The following ACVR1 variants were observed in gnomAD, a reference collection of about 807,000 sequenced individuals.
The protein encoded by ACVR1 is activin A receptor type 1.
In ACVR1, 38 loss-of-function variants were observed where a neutral mutation model predicts 57.1. The ratio of observed to expected loss-of-function variants is 0.67; its 90% CI spans 0.51 to 0.87. The LOEUF (loss-of-function observed/expected upper bound fraction) is 0.87. ACVR1 is among the 40% of genes least tolerant of loss of function. The probability of loss-of-function intolerance (pLI) is 0.00; values close to 1 mark genes in which losing one functional copy is unlikely to be tolerated. For synonymous variants in ACVR1, 212 were observed against 228.1 expected (o/e 0.93, Z 0.63); for missense variants, 463 against 638.2 (o/e 0.73, Z 2.96).
chr2:157,811,761 C>T (rs1405125108), intron 2 of ACVR1, among the ~76,000 whole-genome samples: 1 of 152,000 alleles, frequency 6.6e-6, no homozygotes, highest in Admixed American at 6.6e-5. Context: ...TTAAATCTGC[C>T]CAATTTTCAA....
chr2:157,751,387 C>T (rs1043946734), intron 9 of ACVR1, among the ~76,000 whole-genome samples: 5 of 152,336 alleles, frequency 3.3e-5, no homozygotes, highest in Non-Finnish European at 2.9e-5. Context: ...TGGGAAAAGA[C>T]CACGGGGAGA....
Position 157,737,473 on chromosome 2 carries a change from G to T in ACVR1, c.*58C>A. The T allele has an allele frequency of 6.3e-7, 1 of 1,597,674 alleles. No individual in the cohort carries two copies. Among genetic ancestry groups the T allele is most frequent in the Non-Finnish European group, 8.6e-7 (1 of 1,168,560 alleles). Reference sequence around the variant, plus strand: ...CTGACAACCAGTCAGGCCAGCATTAGGTCCCAGCTGGACAATGACAACAAC... The same window carrying T: ...CTGACAACCAGTCAGGCCAGCATTATGTCCCAGCTGGACAATGACAACAAC... On this transcript the variant is annotated 3_prime_UTR_variant, in exon 11 of 11. Coordinates refer to ENST00000434821, the MANE Select transcript of ACVR1 (RefSeq NM_001111067.4).
chr2:157,810,559 C>G (rs1239545718), intron 2 of ACVR1, among the ~76,000 whole-genome samples: 1 of 152,292 alleles, frequency 6.6e-6, no homozygotes, highest in Non-Finnish European at 1.5e-5. Context: ...TGAACATTTC[C>G]AAGCTTTCCC....
chr2:157,761,142 T>C (rs936896823), intron 8 of ACVR1, 65 bp from the exon 9 acceptor site: 3 of 1,548,400 alleles, frequency 1.9e-6, no homozygotes, highest in Non-Finnish European at 2.6e-6. Flanking sequence ...TGCTGAAGGA[T>C]TTTAAACCAA....
chr2:157,746,362 G>A (rs1037966072), intron 9 of ACVR1, among the ~76,000 whole-genome samples: 2 of 151,842 alleles, frequency 1.3e-5, no homozygotes, highest in Admixed American at 6.6e-5. Context: ...GTAAGTCATC[G>A]AGTCAGAGAG....
Position 157,824,442 on chromosome 2 carries a change from T to G in ACVR1, c.-182-5883A>C, listed in dbSNP as rs559152297. On this transcript the variant is annotated intron_variant, in intron 1 of 10. Transcript: ENST00000434821. ...ATGTTCATGCCACTGCACTCCAGCC[T>G]GGGCAACAGAGCAAGATCCTGTCAA... is the stretch of plus-strand genomic sequence containing the variant. Among the ~76,000 whole-genome samples the G allele has an allele frequency of 1.9e-4, 29 of 152,276 alleles. 1 individual carries two copies. In the South Asian group the frequency reaches 4.6e-3, roughly 24 times the overall value.
At chr2:157,805,842 G>A in intron 2 of ACVR1, among the ~76,000 whole-genome samples, 1 of 51,198 alleles carries the variant, frequency 2.0e-5, no homozygotes, top group East Asian at 4.1e-4. Context: ...TTTTTTTTTT[G>A]AGACGAGGTC....
At chr2:157,857,024 T>C (rs1689557368) in intron 1 of ACVR1, among the ~76,000 whole-genome samples, 1 of 151,884 alleles carries the variant, frequency 6.6e-6, no homozygotes, top group East Asian at 1.9e-4. Context: ...CATGGTGAAA[T>C]CCCGCTTCTA....
At chr2:157,760,427 A>C (rs758526705) in intron 9 of ACVR1, among the ~76,000 whole-genome samples, 1 of 152,190 alleles carries the variant, frequency 6.6e-6, no homozygotes, top group Non-Finnish European at 1.5e-5. Context: ...ATAATATACT[A>C]TGTATTTCAA....
chr2:157,816,603 G>GTAATAATAA, intron 2 of ACVR1, among the ~76,000 whole-genome samples: 1 of 150,468 alleles, frequency 6.6e-6, no homozygotes, highest in East Asian at 1.9e-4. Flanking sequence ...CCTCAAAATA[G>GTAATAATAA]TAATAATAAT....
At chr2:157,767,010 G>C (rs989090011) in intron 7 of ACVR1, among the ~76,000 whole-genome samples, 6 of 151,854 alleles carry the variant, frequency 4.0e-5, no homozygotes, top group African/African-American at 1.5e-4. Flanking sequence ...TGGATGAAGA[G>C]GTTGGAGAAG....
At chr2:157,863,052 C>T (rs1487347220) in intron 1 of ACVR1, among the ~76,000 whole-genome samples, 1 of 117,166 alleles carries the variant, frequency 8.5e-6, no homozygotes, top group Non-Finnish European at 1.6e-5. Context: ...GAGACAGTCT[C>T]ACTCTGTCAC....
chr2:157,872,271 C>T (rs2105390923), intron 1 of ACVR1, among the ~76,000 whole-genome samples: 1 of 152,294 alleles, frequency 6.6e-6, no homozygotes, highest in Non-Finnish European at 1.5e-5. Context: ...ATTTCCCAGC[C>T]TCACCAGTTT....
At chr2:157,738,964 G>T (rs1684644211) in intron 9 of ACVR1, among the ~76,000 whole-genome samples, 1 of 152,182 alleles carries the variant, frequency 6.6e-6, no homozygotes, top group East Asian at 1.9e-4. Context: ...GAATCTAGTG[G>T]TTTCAAACCA....
rs181439193 is a variant in ACVR1 at position 157,755,361 on chromosome 2, C to G, written c.1264+5519G>C. Reference sequence around the variant, plus strand: ...TGATATAACCGTATACCTAGAAAACCCTAAAGACTCCTCCAAAAAGCTCCT... The same window carrying G: ...TGATATAACCGTATACCTAGAAAACGCTAAAGACTCCTCCAAAAAGCTCCT... On this transcript the variant is annotated intron_variant, in intron 9 of 10. Transcript: ENST00000434821. Among the ~76,000 whole-genome samples, 27 of 152,026 alleles carry G rather than the reference C, an allele frequency of 1.8e-4. No homozygotes were observed. In the South Asian group the frequency reaches 2.9e-3, roughly 16 times the overall value.
chr2:157,775,492 A>G (rs1443789403), intron 5 of ACVR1, among the ~76,000 whole-genome samples: 6 of 152,164 alleles, frequency 3.9e-5, no homozygotes, highest in Non-Finnish European at 7.3e-5. Context: ...AAAGCAATAC[A>G]TTGATTTGTG....
At chr2:157,800,985 A>G (rs1687303871) in intron 2 of ACVR1, among the ~76,000 whole-genome samples, 2 of 152,196 alleles carry the variant, frequency 1.3e-5, no homozygotes, top group South Asian at 2.1e-4. Context: ...CTCAGCAGTG[A>G]TATCAGCCCC....
At chr2:157,850,327 T>C (rs189464421) in intron 1 of ACVR1, among the ~76,000 whole-genome samples, 6 of 151,100 alleles carry the variant, frequency 4.0e-5, no homozygotes, top group Non-Finnish European at 7.4e-5. Flanking sequence ...TAGGCAGAGG[T>C]TGCAGTGAGC....
At chr2:157,782,302 C>T (rs991587382) in intron 3 of ACVR1, among the ~76,000 whole-genome samples, 3 of 152,170 alleles carry the variant, frequency 2.0e-5, no homozygotes, top group African/African-American at 7.2e-5. Flanking sequence ...CCTTTGAAAA[C>T]CACAAGGGGC....
Sources: gnomAD v4.1 joint callset for allele counts (sites outside exome capture counted in the v4.1 genomes callset) on GRCh38, gnomAD v4.1.1 for gene constraint, MANE v1.5 for transcripts, NCBI Gene and HGNC (gene_info 2026-07-23, HGNC 2026-07-21) for gene names.